NXPE2: variants seen among roughly 807,000 people sequenced by gnomAD.
The protein encoded by NXPE2 is neurexophilin and PC-esterase domain family member 2, also known as NXPE family member 2.
Under a neutral mutation model 34.4 loss-of-function variants are expected in NXPE2, and 34 were observed. That is an observed-to-expected ratio of 0.99 (90% CI 0.75 to 1.31). The LOEUF (loss-of-function observed/expected upper bound fraction) is 1.31, where lower values mean the gene tolerates loss of function less well. NXPE2 is among the 40% of genes most tolerant of loss of function. NXPE2 has a pLI of 0.00. For missense variants in NXPE2, 649 were observed against 672.5 expected (o/e 0.97, Z 0.39); for synonymous variants, 235 against 231.3 (o/e 1.02, Z -0.15).
chr11:114,478,084 G>A, the NXPE2 span, among the ~76,000 whole-genome samples: 1 of 150,794 alleles, frequency 6.6e-6, no homozygotes, highest in African/African-American at 2.4e-5. Context: ...CCCACCCCAA[G>A]TACGAAAGAG....
chr11:114,643,521 C>T, the NXPE2 span, among the ~76,000 whole-genome samples: 1 of 152,042 alleles, frequency 6.6e-6, no homozygotes, highest in African/African-American at 2.4e-5. Context: ...GGAATCCTTT[C>T]CCCATTGCTT....
the NXPE2 span, among the ~76,000 whole-genome samples, chr11:114,642,758 T>C: frequency 3.9e-5 from 6 of 152,130 alleles, no homozygotes; most frequent in African/African-American, 9.7e-5. Flanking sequence ...GAATGGTTTA[T>C]ATTCCTTTGG....
intron 2 of NXPE2, among the ~76,000 whole-genome samples, chr11:114,693,948 A>C (rs1157094816): frequency 2.0e-5 from 3 of 152,222 alleles, no homozygotes; most frequent in African/African-American, 7.2e-5. Context: ...AATGGATCTC[A>C]CTGGGCTAAA....
At chr11:114,613,616 C>T in the NXPE2 span, among the ~76,000 whole-genome samples, 1 of 151,944 alleles carries the variant, frequency 6.6e-6, no homozygotes, top group South Asian at 2.1e-4. Context: ...TCATGGGTAA[C>T]CACTGTTACA....
At chr11:114,742,591 C>T in the NXPE2 span, among the ~76,000 whole-genome samples, 1 of 146,476 alleles carries the variant, frequency 6.8e-6, no homozygotes, top group South Asian at 2.3e-4. Context: ...TGAAATTGTT[C>T]TTACTTTCTT....
the NXPE2 span, among the ~76,000 whole-genome samples, chr11:114,572,223 C>A: frequency 6.6e-6 from 1 of 152,064 alleles, no homozygotes; most frequent in Non-Finnish European, 1.5e-5. Context: ...GAATAGCAGC[C>A]CTTGAATCCC....
At chr11:114,487,163 T>G in the NXPE2 span, among the ~76,000 whole-genome samples, 1 of 152,230 alleles carries the variant, frequency 6.6e-6, no homozygotes, top group Non-Finnish European at 1.5e-5. Flanking sequence ...ATGAAAAAAG[T>G]TTCTTGCATC....
chr11:114,669,805 A>T, the NXPE2 span, among the ~76,000 whole-genome samples: 1 of 152,100 alleles, frequency 6.6e-6, no homozygotes, highest in Non-Finnish European at 1.5e-5. Context: ...TCTTCCAAAG[A>T]TAATGGAGAT....
the NXPE2 span, among the ~76,000 whole-genome samples, chr11:114,728,280 A>C: frequency 1.2e-4 from 19 of 152,178 alleles, no homozygotes; most frequent in Admixed American, 4.6e-4. Flanking sequence ...TTTGCTACAA[A>C]GGGTAGCATA....
the NXPE2 span, among the ~76,000 whole-genome samples, chr11:114,587,322 G>C: frequency 2.6e-5 from 4 of 152,156 alleles, no homozygotes; most frequent in Non-Finnish European, 4.4e-5. Flanking sequence ...AATAGTAAGA[G>C]GAATTTAATT....
At chr11:114,775,099 G>A in the NXPE2 span, among the ~76,000 whole-genome samples, 1 of 152,218 alleles carries the variant, frequency 6.6e-6, no homozygotes, top group Non-Finnish European at 1.5e-5. Context: ...CAGTGGGTCC[G>A]CTCTGGGGGA....
At chr11:114,521,009 G>C in the NXPE2 span, among the ~76,000 whole-genome samples, 2 of 152,120 alleles carry the variant, frequency 1.3e-5, no homozygotes, top group East Asian at 1.9e-4. Flanking sequence ...TTTTAAAAAA[G>C]TTCATTCACT....
At chr11:114,636,342 A>C in the NXPE2 span, among the ~76,000 whole-genome samples, 1 of 151,148 alleles carries the variant, frequency 6.6e-6, no homozygotes, top group Non-Finnish European at 1.5e-5. Context: ...CGTCTATTTG[A>C]TTCTTCTCTC....
chr11:114,796,386 T>C, the NXPE2 span, among the ~76,000 whole-genome samples: 1 of 152,194 alleles, frequency 6.6e-6, no homozygotes, highest in Non-Finnish European at 1.5e-5. Context: ...AGTAAACTTT[T>C]ATGTATATTA....
the NXPE2 span, chr11:114,580,033 T>G: frequency 6.7e-5 from 71 of 1,055,122 alleles, no homozygotes; most frequent in Middle Eastern, 6.3e-4. Flanking sequence ...GATTGAAGAA[T>G]ATGAAAAAAA....
chr11:114,475,247 T>TGG, the NXPE2 span, among the ~76,000 whole-genome samples: 1 of 102,292 alleles, frequency 9.8e-6, no homozygotes, highest in Non-Finnish European at 1.8e-5. Flanking sequence ...TTTTTTTTTT[T>TGG]TTTTTTTTTT....
At chr11:114,555,271 T>C in the NXPE2 span, among the ~76,000 whole-genome samples, 1 of 152,130 alleles carries the variant, frequency 6.6e-6, no homozygotes, top group Admixed American at 6.6e-5. Flanking sequence ...TTGCCCAGGC[T>C]GGAGTACAGT....
At chr11:114,587,100 C>T in the NXPE2 span, among the ~76,000 whole-genome samples, 2 of 152,174 alleles carry the variant, frequency 1.3e-5, no homozygotes, top group Non-Finnish European at 1.5e-5. Flanking sequence ...ACACTCTTAA[C>T]TTCCTAATTC....
the NXPE2 span, among the ~76,000 whole-genome samples, chr11:114,558,623 T>C: frequency 5.1e-3 from 783 of 152,332 alleles, 10 homozygotes; most frequent in African/African-American, 0.018. Context: ...TGTGATGTAT[T>C]ACATTCGTAT....
Sources: allele counts gnomAD v4.1 joint callset (sites outside exome capture counted in the v4.1 genomes callset), GRCh38; gene constraint gnomAD v4.1.1; transcripts MANE v1.5; gene names NCBI Gene and HGNC (gene_info 2026-07-23, HGNC 2026-07-21).